TDRD1: variants seen among roughly 807,000 people sequenced by gnomAD.
TDRD1 encodes the protein tudor domain containing 1.
TDRD1 carries 37 observed loss-of-function variants against 140.6 expected under a neutral mutation model. That is an observed-to-expected ratio of 0.26 (90% CI 0.20 to 0.35). The LOEUF (loss-of-function observed/expected upper bound fraction) is 0.35, where lower values mean the gene tolerates loss of function less well. TDRD1 is among the 10% of genes least tolerant of loss of function. The probability of loss-of-function intolerance (pLI) is 1.00; values close to 1 mark genes in which losing one functional copy is unlikely to be tolerated. For synonymous variants in TDRD1, 506 were observed against 475.7 expected (o/e 1.06, Z -0.83); for missense variants, 1,243 against 1,393.0 (o/e 0.89, Z 1.71).
intron 11 of TDRD1, among the ~76,000 whole-genome samples, chr10:114,208,236 A>G (rs2035256860): frequency 6.6e-6 from 1 of 152,158 alleles, no homozygotes; most frequent in African/African-American, 2.4e-5. Context: ...AGCTGTGTTA[A>G]GGGGTTTGGA....
At chr10:114,197,366 GT>G (rs1309760924) in intron 3 of TDRD1, among the ~76,000 whole-genome samples, 1 of 151,976 alleles carries the variant, frequency 6.6e-6, no homozygotes, top group South Asian at 2.1e-4. Flanking sequence ...CTGCTATTGT[GT>G]TTTGTATTTT....
At chr10:114,225,714 G>A (rs978744568) in intron 21 of TDRD1, among the ~76,000 whole-genome samples, 1 of 152,078 alleles carries the variant, frequency 6.6e-6, no homozygotes, top group Admixed American at 6.6e-5. Context: ...AAAGTTAGCT[G>A]GGCATGGTGG....
intron 5 of TDRD1, 82 bp downstream of exon 5, chr10:114,201,597 C>A: frequency 8.9e-7 from 1 of 1,129,072 alleles, no homozygotes; most frequent in Non-Finnish European, 1.3e-6. Flanking sequence ...TTAAGCAGAC[C>A]ACAACCAAGT....
At chr10:114,207,292 A>G (rs896165834) in intron 11 of TDRD1, among the ~76,000 whole-genome samples, 5 of 152,222 alleles carry the variant, frequency 3.3e-5, no homozygotes, top group Non-Finnish European at 7.3e-5. Context: ...CACTGGAATC[A>G]TCCTTAAATC....
intron 18 of TDRD1, among the ~76,000 whole-genome samples, chr10:114,218,895 A>T (rs992478093): frequency 6.6e-5 from 10 of 152,340 alleles, no homozygotes; most frequent in Middle Eastern, 3.4e-3. Flanking sequence ...TATCCCAGAG[A>T]AATCCAGGAA....
At chr10:114,221,600 A>G in intron 20 of TDRD1, 124 bp downstream of exon 20, 2 of 947,726 alleles carry the variant, frequency 2.1e-6, no homozygotes, top group Non-Finnish European at 3.1e-6. Context: ...GGAAGAACTG[A>G]TCATAACACT....
intron 1 of TDRD1, among the ~76,000 whole-genome samples, chr10:114,185,808 C>T (rs1448515743): frequency 1.3e-5 from 2 of 151,844 alleles, no homozygotes; most frequent in Non-Finnish European, 2.9e-5. Flanking sequence ...AGGCTGGTCT[C>T]GAACTCCTGA....
intron 8 of TDRD1, 122 bp from the exon 9 acceptor site, chr10:114,203,951 T>G: frequency 8.5e-7 from 1 of 1,170,084 alleles, no homozygotes. Flanking sequence ...GTTGGCTTAT[T>G]AATTGAGTGC....
chr10:114,217,121 A>G (rs1374864607), intron 16 of TDRD1, among the ~76,000 whole-genome samples: 1 of 152,140 alleles, frequency 6.6e-6, no homozygotes, highest in Non-Finnish European at 1.5e-5. Flanking sequence ...TGTACTTTGT[A>G]TTTCTGTATG....
At chr10:114,211,125 A>G (rs1030417295) in intron 13 of TDRD1, among the ~76,000 whole-genome samples, 158 bp downstream of exon 13, 1 of 152,204 alleles carries the variant, frequency 6.6e-6, no homozygotes, top group Non-Finnish European at 1.5e-5. Flanking sequence ...AAATAGATCA[A>G]ATTAAACTGG....
chr10:114,204,313 T>G, intron 9 of TDRD1, 97 bp downstream of exon 9: 1 of 1,318,078 alleles, frequency 7.6e-7, no homozygotes, highest in African/African-American at 1.5e-5. Context: ...TATTCTGCTG[T>G]GTTACTGTAC....
chr10:114,227,679 C>T (rs1487716189), intron 23 of TDRD1, among the ~76,000 whole-genome samples: 1 of 152,170 alleles, frequency 6.6e-6, no homozygotes, highest in African/African-American at 2.4e-5. Context: ...GACCTGGCCT[C>T]AATCAAAAAG....
exon 5 of TDRD1, chr10:114,201,500 G>A (rs966313021): frequency 5.6e-6 from 9 of 1,613,434 alleles, no homozygotes; most frequent in Non-Finnish European, 7.6e-6. Context: ...ATCGTGTGCA[G>A]GCCTGTTCAG....
chr10:114,212,099 A>T (rs1335970313), intron 14 of TDRD1, 63 bp downstream of exon 14: 7 of 1,447,200 alleles, frequency 4.8e-6, no homozygotes, highest in Non-Finnish European at 5.5e-6. Context: ...ACATGAAAAG[A>T]TACACGAAAT....
At chr10:114,219,005 A>G (rs974914022) in intron 18 of TDRD1, among the ~76,000 whole-genome samples, 1 of 152,252 alleles carries the variant, frequency 6.6e-6, no homozygotes, top group African/African-American at 2.4e-5. Flanking sequence ...ATGATCCATA[A>G]AATGGATAAT....
chr10:114,204,268 G>A (rs532689940), intron 9 of TDRD1, 52 bp downstream of exon 9: 2 of 1,534,742 alleles, frequency 1.3e-6, no homozygotes, highest in Non-Finnish European at 1.7e-6. Flanking sequence ...AGGAGCTGTT[G>A]TCAATGTTTT....
chr10:114,228,850 G>A, intron 25 of TDRD1: 1 of 887,526 alleles, frequency 1.1e-6, no homozygotes, highest in East Asian at 1.2e-4. Flanking sequence ...TTGGGAGGCT[G>A]AGGCGGGCAG....
chr10:114,186,324 C>T (rs1475864678), intron 1 of TDRD1, among the ~76,000 whole-genome samples: 1 of 152,090 alleles, frequency 6.6e-6, no homozygotes, highest in African/African-American at 2.4e-5. Context: ...AGTGCAGTGG[C>T]ACAATCTCGG....
At chr10:114,228,064 C>T in exon 25 of TDRD1, 1 of 1,608,800 alleles carries the variant, frequency 6.2e-7, no homozygotes, top group Non-Finnish European at 8.5e-7. Flanking sequence ...ATATTCTTCT[C>T]TTCCTCTTAA....
Sources: allele counts gnomAD v4.1 joint callset (sites outside exome capture counted in the v4.1 genomes callset), GRCh38; gene constraint gnomAD v4.1.1; transcripts MANE v1.5; gene names NCBI Gene and HGNC (gene_info 2026-07-23, HGNC 2026-07-21).